SGMS1: variants seen among roughly 807,000 people sequenced by gnomAD.
SGMS1 encodes phosphatidylcholine:ceramide cholinephosphotransferase 1.
Under a neutral mutation model 46.2 loss-of-function variants are expected in SGMS1, and 13 were observed. The ratio of observed to expected loss-of-function variants is 0.28; its 90% CI spans 0.18 to 0.45. SGMS1 has a LOEUF of 0.45. Ranked by LOEUF, SGMS1 falls within the 20% of genes least tolerant of loss-of-function variation. The pLI is 1.00. For synonymous variants in SGMS1, 203 were observed against 187.8 expected (o/e 1.08, Z -0.66); for missense variants, 324 against 519.9 (o/e 0.62, Z 3.66).
At chr10:50,362,018 C>T (rs1440052900) in intron 6 of SGMS1, among the ~76,000 whole-genome samples, 2 of 152,138 alleles carry the variant, frequency 1.3e-5, no homozygotes, top group Non-Finnish European at 2.9e-5. Flanking sequence ...TACCTTATAC[C>T]TTCCTTTGTC....
chr10:50,340,483 T>G (rs1230115015), intron 7 of SGMS1: 1 of 152,194 alleles, frequency 6.6e-6, no homozygotes, highest in Admixed American at 6.5e-5. Flanking sequence ...GGAGACAACA[T>G]TATTTACAAT....
At chr10:50,396,760 C>G (rs1848854348) in intron 6 of SGMS1, among the ~76,000 whole-genome samples, 1 of 152,118 alleles carries the variant, frequency 6.6e-6, no homozygotes, top group Non-Finnish European at 1.5e-5. Flanking sequence ...CACATCCATC[C>G]CCACCCCACC....
chr10:50,332,611 CTTTTTTTT>C (rs150975310), intron 7 of SGMS1, among the ~76,000 whole-genome samples: 2 of 72,698 alleles, frequency 2.8e-5, no homozygotes, highest in Admixed American at 1.7e-4. Flanking sequence ...TTTTTTAAGT[CTTTTTTTT>C]TTTTTTTTTT....
At chr10:50,384,585 C>G (rs898038317) in intron 6 of SGMS1, among the ~76,000 whole-genome samples, 43 of 152,046 alleles carry the variant, frequency 2.8e-4, no homozygotes, top group Non-Finnish European at 4.4e-4. Context: ...GTGTTGGGGA[C>G]TACAGGTGTG....
At chr10:50,400,774 T>C (rs1361982289) in intron 6 of SGMS1, among the ~76,000 whole-genome samples, 1 of 152,128 alleles carries the variant, frequency 6.6e-6, no homozygotes, top group African/African-American at 2.4e-5. Flanking sequence ...TTACTACCTG[T>C]TCAATATCAG....
At chr10:50,486,966 A>G (rs1837526225) in intron 3 of SGMS1, among the ~76,000 whole-genome samples, 1 of 152,258 alleles carries the variant, frequency 6.6e-6, no homozygotes, top group Non-Finnish European at 1.5e-5. Context: ...ACTATGTAAT[A>G]CTATGCAGTC....
chr10:50,533,325 G>T (rs925525039), intron 2 of SGMS1, among the ~76,000 whole-genome samples: 2 of 151,888 alleles, frequency 1.3e-5, no homozygotes, highest in Non-Finnish European at 2.9e-5. Context: ...AGGATTAAAG[G>T]GTTTTTTTCC....
At chr10:50,329,790 T>C (rs889928983) in intron 7 of SGMS1, among the ~76,000 whole-genome samples, 1 of 152,146 alleles carries the variant, frequency 6.6e-6, no homozygotes, top group Non-Finnish European at 1.5e-5. Context: ...GGGATACACC[T>C]CTCCTTCCAC....
At chr10:50,546,732 G>A (rs919922324) in intron 2 of SGMS1, among the ~76,000 whole-genome samples, 3 of 152,138 alleles carry the variant, frequency 2.0e-5, no homozygotes, top group Non-Finnish European at 4.4e-5. Flanking sequence ...TGGGGTCGGG[G>A]GAGAGGGGAG....
At chr10:50,600,753 C>T (rs146917964) in intron 1 of SGMS1, among the ~76,000 whole-genome samples, 1 of 152,340 alleles carries the variant, frequency 6.6e-6, no homozygotes, top group African/African-American at 2.4e-5. Flanking sequence ...ATGTGTCAGA[C>T]ACCATGCTGG....
chr10:50,425,063 C>G (rs572305558), intron 6 of SGMS1, among the ~76,000 whole-genome samples: 43 of 152,130 alleles, frequency 2.8e-4, no homozygotes, highest in Non-Finnish European at 4.6e-4. Context: ...AAAAGTCACA[C>G]CAGTTAGAAT....
chr10:50,352,852 T>C (rs1310570108), intron 6 of SGMS1, among the ~76,000 whole-genome samples: 1 of 152,120 alleles, frequency 6.6e-6, no homozygotes, highest in East Asian at 1.9e-4. Flanking sequence ...AATGAATAAA[T>C]TCCCCGACAC....
In SGMS1 at chr10:50,615,411, T is replaced by C. The variant is rs939220930; in HGVS notation, c.-684+8296A>G. Among the ~76,000 whole-genome samples, 7 of 152,326 alleles carry C rather than the reference T, an allele frequency of 4.6e-5. No homozygotes were observed. The South Asian group carries it at 8.3e-4, about 18-fold the overall frequency. On this transcript the variant is annotated intron_variant, in intron 1 of 10. Transcript: ENST00000361781. ...ATTCAGTACCTTATAAATGTTAATATAGTCCCCACAATAACCCTGTAAGAT... is the reference window on the plus strand; with the variant it reads ...ATTCAGTACCTTATAAATGTTAATACAGTCCCCACAATAACCCTGTAAGAT...
rs1290557475 is a variant in SGMS1, at chr10:50,623,932, CT to C, written c.-910del. Reference sequence around the variant, plus strand: ...GCCCCGCTGGTGCGAACGCTTTCGACTTGCCACCGCGAGCCTCCCGGGCTGC... The same window carrying C: ...GCCCCGCTGGTGCGAACGCTTTCGACTGCCACCGCGAGCCTCCCGGGCTGC... On this transcript the variant is annotated 5_prime_UTR_variant, in exon 1 of 11. Transcript: ENST00000361781. 2 of 986,406 alleles carry C rather than the reference CT, an allele frequency of 2.0e-6. No homozygotes were observed. The highest frequency in any genetic ancestry group is 2.4e-6 in the Non-Finnish European group (2 of 830,878). 61.1% of individuals were successfully genotyped at this position (986,406 alleles called of 1,614,324 possible).
chr10:50,382,890 T>C (rs1848628008), intron 6 of SGMS1, among the ~76,000 whole-genome samples: 1 of 152,182 alleles, frequency 6.6e-6, no homozygotes. Context: ...ATCCAATGTC[T>C]TGGCAAACAG....
At chr10:50,535,304 A>G (rs1450779766) in intron 2 of SGMS1, among the ~76,000 whole-genome samples, 2 of 152,148 alleles carry the variant, frequency 1.3e-5, no homozygotes, top group African/African-American at 4.8e-5. Context: ...TGTTCATATG[A>G]AGCATGCCTA....
chr10:50,549,422 T>C (rs1294823057), intron 2 of SGMS1, among the ~76,000 whole-genome samples: 2 of 152,156 alleles, frequency 1.3e-5, no homozygotes, highest in African/African-American at 4.8e-5. Flanking sequence ...GCCATTATCC[T>C]CAGCAAACTA....
intron 6 of SGMS1, among the ~76,000 whole-genome samples, chr10:50,429,669 C>T (rs1161307350): frequency 2.0e-5 from 3 of 150,676 alleles, no homozygotes; most frequent in Non-Finnish European, 4.4e-5. Context: ...TTAAAAACCT[C>T]TACTCTTATA....
chr10:50,390,956 A>G (rs1303511651), intron 6 of SGMS1, among the ~76,000 whole-genome samples: 1 of 152,152 alleles, frequency 6.6e-6, no homozygotes, highest in East Asian at 1.9e-4. Flanking sequence ...CCAAAGTCAT[A>G]GCGGAGAGAG....
Sources: allele counts gnomAD v4.1 joint callset (sites outside exome capture counted in the v4.1 genomes callset), GRCh38; gene constraint gnomAD v4.1.1; transcripts MANE v1.5; gene names NCBI Gene and HGNC (gene_info 2026-07-23, HGNC 2026-07-21).